Variants in ARFGAP3 observed in about 807,000 individuals in gnomAD.
The protein encoded by ARFGAP3 is ADP-ribosylation factor GTPase-activating protein 3.
ARFGAP3 carries 72 observed loss-of-function variants against 75.0 expected under a neutral mutation model. That is an observed-to-expected ratio of 0.96 (90% confidence interval 0.79 to 1.17). The LOEUF (loss-of-function observed/expected upper bound fraction) is 1.17, where lower values mean the gene tolerates loss of function less well. ARFGAP3 is among the 50% of genes most tolerant of loss of function. The probability of loss-of-function intolerance (pLI) is 0.00; values close to 1 mark genes in which losing one functional copy is unlikely to be tolerated. For missense variants in ARFGAP3, 620 were observed against 626.6 expected (o/e 0.99, Z 0.11); for synonymous variants, 221 against 217.9 (o/e 1.01, Z -0.13).
chr22:42,822,273 G>C lies in ARFGAP3; in HGVS notation c.809C>G (p.Ser270Ter). Reference protein sequence around the residue: ...DLAKVVSKEESIVSSLRLAYK... With the variant: ...DLAKVVSKEE ...AATATAATGAAATTAAACTTACATT[G>C]ATTCTTCTTTAGATACCACCTTGGC... Residue 270 changes from serine (S) to a stop codon, truncating the protein, a stop_gained, in exon 9 of 16, where the codon TCA becomes TGA. Transcript: ENST00000263245. LOFTEE classifies it high-confidence loss of function. 6.2e-7 allele frequency: 1 copy of C among 1,606,828 alleles called. No homozygotes were observed.
rs915350990 is a variant in ARFGAP3 at position 42,840,796 on chromosome 22, G to A, written c.261+148C>T. 57 of 790,970 alleles carry A rather than the reference G, an allele frequency of 7.2e-5. 1 individual carries two copies. The South Asian group carries it at 9.9e-4, about 14-fold the overall frequency. The allele number at this position is 790,970 out of a possible 1,614,324, so 49.0% of individuals were successfully genotyped here. ...GGTGGTCTTGAACTCCTGGGCTCCA[G>A]TGATCCTCCCAAACGCCTGTAATTT... On this transcript the variant is annotated intron_variant, in intron 3 of 15. Transcript: ENST00000263245.
intron 3 of ARFGAP3, among the ~76,000 whole-genome samples, chr22:42,838,077 T>A (rs1205029749): frequency 6.6e-6 from 1 of 151,954 alleles, no homozygotes; most frequent in Non-Finnish European, 1.5e-5. Flanking sequence ...CACCTCTACC[T>A]GACAAAATTG....
intron 14 of ARFGAP3, among the ~76,000 whole-genome samples, chr22:42,802,583 G>A (rs1330108546): frequency 4.5e-4 from 57 of 127,412 alleles, no homozygotes; most frequent in Middle Eastern, 5.9e-3. Context: ...GAGAGCCACC[G>A]CGCCTGGCCC....
Position 42,847,645 on chromosome 22 carries a change from G to A in ARFGAP3, c.70-13C>T. 6.2e-7 allele frequency: 1 copy of A among 1,606,606 alleles called. No individual in the cohort carries two copies. The highest frequency in any genetic ancestry group is 8.5e-7 in the Non-Finnish European group (1 of 1,175,910). On this transcript the variant is annotated splice_polypyrimidine_tract_variant and intron_variant, in intron 1 of 15. Coordinates refer to ENST00000263245, the MANE Select transcript of ARFGAP3 (RefSeq NM_014570.5). ...AATCAAAACACACCTGAAAAAAAAT[G>A]TTAAATTCAGTTACTAATTTATGTT...
chr22:42,831,628 G>C lies in ARFGAP3; in HGVS notation c.486C>G (p.Asp162Glu), dbSNP rs772573132. ...CTGCTATTGCTGATGCCCACGCTGT[G>C]TCACTCACCTGAAACAAGGCGAGAA... ...FASHVSPEVS[D>E]TAWASAIAEP... The change falls in exon 6 of 16, where the codon GAC becomes GAG. Residue 162 changes from aspartate (D) to glutamate (E), a missense_variant. By Grantham distance (45) the Asp-to-Glu change is conservative. Transcript: ENST00000263245. The C allele has an allele frequency of 1.9e-6, 3 of 1,613,820 alleles. No individual in the cohort carries two copies. The highest frequency in any genetic ancestry group is 2.5e-6 in the Non-Finnish European group (3 of 1,179,946).
At position 42,822,394 on chromosome 22, in the gene ARFGAP3, C is replaced by CT. The variant is rs754931118; in HGVS notation, c.687dup (p.Gly230ArgfsTer14). 38 of 1,613,840 alleles carry CT rather than the reference C, an allele frequency of 2.4e-5. No homozygotes were observed. The highest frequency in any genetic ancestry group is 3.2e-5 in the Non-Finnish European group (38 of 1,179,984). On this transcript the variant is annotated frameshift_variant, in exon 9 of 16. Transcript: ENST00000263245. LOFTEE classifies it high-confidence loss of function. ...GCCAGTTTCTGAGCTCCCAAACTTC[C>CT]TTTTTTGGCCCCAAGCTAGAACATA...
intron 1 of ARFGAP3, among the ~76,000 whole-genome samples, chr22:42,856,112 A>G (rs910468529): frequency 1.3e-5 from 2 of 152,170 alleles, no homozygotes; most frequent in Non-Finnish European, 2.9e-5. Flanking sequence ...GAATTCCTGG[A>G]GCCTTTCTCT....
intron 13 of ARFGAP3, 50 bp downstream of exon 13, chr22:42,808,717 A>G (rs780743791): frequency 6.9e-7 from 1 of 1,452,824 alleles, no homozygotes; most frequent in Non-Finnish European, 9.5e-7. Flanking sequence ...CCACACCCAC[A>G]CTTCCTTCCT....
intron 9 of ARFGAP3, 74 bp downstream of exon 9, chr22:42,822,196 C>G: frequency 1.2e-5 from 14 of 1,163,228 alleles, no homozygotes; most frequent in East Asian, 2.7e-5. Flanking sequence ...AAATACATGG[C>G]ATTTGGAAAG....
In ARFGAP3 at chr22:42,808,811, C is replaced by T. The variant is rs781254265; in HGVS notation, c.1276G>A (p.Ala426Thr). The T allele has an allele frequency of 6.2e-7, 1 of 1,613,648 alleles. No individual in the cohort carries two copies. The highest frequency in any genetic ancestry group is 1.3e-5 in the African/African-American group (1 of 74,930). Reference sequence around the variant, plus strand: ...CCAAAATACATATCTGATGAAATGGCCTTGACATTGCCAAACTTCTTCTGG... The same window carrying T: ...CCAAAATACATATCTGATGAAATGGTCTTGACATTGCCAAACTTCTTCTGG... The part of the protein sequence containing the change: ...EAQKKFGNVK[A>T]ISSDMYFGRQ... The change falls in exon 13 of 16, where the codon GCC becomes ACC. Residue 426 changes from alanine to threonine, a missense_variant. Ala to Thr is a moderately conservative substitution (Grantham distance 58). Coordinates refer to ENST00000263245, the MANE Select transcript of ARFGAP3 (RefSeq NM_014570.5).
rs773099420 is a variant in ARFGAP3 at position 42,831,543 on chromosome 22, C to G, written c.565+6G>C. 1 of 1,612,944 alleles carries G rather than the reference C, an allele frequency of 6.2e-7. No homozygotes were observed. Among genetic ancestry groups the G allele is most frequent in the South Asian group, 1.1e-5 (1 of 91,024 alleles). On this transcript the variant is annotated splice_donor_region_variant and intron_variant, in intron 6 of 15. Transcript: ENST00000263245. ...TAGTATTACATGACAGTTCTAAGGA[C>G]TCCACCTTCATTATTTTCCAAAGTG...
At chr22:42,818,125 A>G (rs1356104275) in intron 9 of ARFGAP3, among the ~76,000 whole-genome samples, 2 of 152,222 alleles carry the variant, frequency 1.3e-5, no homozygotes, top group African/African-American at 4.8e-5. Flanking sequence ...TTATTGTATA[A>G]TAACATAATG....
chr22:42,834,210 C>A lies in ARFGAP3; in HGVS notation c.477+32G>T, dbSNP rs770431147. ...CTTTTGTTAACTGTCAGAGTAAGCA[C>A]ACTTTAAAATGATGTGAAGCATAAT... On this transcript the variant is annotated intron_variant, in intron 5 of 15. Coordinates refer to ENST00000263245, the MANE Select transcript of ARFGAP3 (RefSeq NM_014570.5). 18 of 1,592,810 alleles carry A rather than the reference C, an allele frequency of 1.1e-5. No individual in the cohort carries two copies. In the South Asian group the frequency reaches 2.0e-4, roughly 18 times the overall value.
chr22:42,803,898 CTCT>C (rs1924993303), intron 14 of ARFGAP3, among the ~76,000 whole-genome samples: 1 of 143,344 alleles, frequency 7.0e-6, no homozygotes, highest in Non-Finnish European at 1.5e-5. Context: ...TCCCTCCTTC[CTCT>C]TTTTTTTTTT....
At chr22:42,849,674 C>A (rs1927186394) in intron 1 of ARFGAP3, among the ~76,000 whole-genome samples, 1 of 151,916 alleles carries the variant, frequency 6.6e-6, no homozygotes. Flanking sequence ...AGCCATCCAC[C>A]CCCCTCAGCC....
intron 14 of ARFGAP3, among the ~76,000 whole-genome samples, chr22:42,799,931 T>A (rs886176831): frequency 6.6e-6 from 1 of 152,202 alleles, no homozygotes; most frequent in Non-Finnish European, 1.5e-5. Context: ...AGGGCCGGTG[T>A]TAGTGGCCCT....
chr22:42,798,587 A>T (rs1003954893), intron 15 of ARFGAP3, among the ~76,000 whole-genome samples: 5 of 152,260 alleles, frequency 3.3e-5, no homozygotes, highest in Non-Finnish European at 7.3e-5. Flanking sequence ...TCACAGAGAA[A>T]AAGCAAGATA....
chr22:42,834,340 C>T lies in ARFGAP3; in HGVS notation c.394-15G>A. ...TCAAGCCACAGCTAGAACAAAAAAA[C>T]AACACAGGGCTGAGCATTTCATCCG... On this transcript the variant is annotated splice_polypyrimidine_tract_variant and intron_variant, in intron 4 of 15. Transcript: ENST00000263245. The T allele has an allele frequency of 1.2e-6, 2 of 1,612,444 alleles. No homozygotes were observed. Among genetic ancestry groups the T allele is most frequent in the South Asian group, 1.1e-5 (1 of 90,822 alleles).
intron 11 of ARFGAP3, among the ~76,000 whole-genome samples, chr22:42,814,932 C>G (rs963692080): frequency 6.6e-6 from 1 of 152,186 alleles, no homozygotes; most frequent in Non-Finnish European, 1.5e-5. Flanking sequence ...AAGATGAGGT[C>G]TCACTATATT....
Sources: gnomAD v4.1 joint callset for allele counts (sites outside exome capture counted in the v4.1 genomes callset) on GRCh38, gnomAD v4.1.1 for gene constraint, MANE v1.5 for transcripts, NCBI Gene and HGNC (gene_info 2026-07-23, HGNC 2026-07-21) for gene names.